The following TDRD5 variants were observed in gnomAD, a reference collection of about 807,000 sequenced individuals.
The protein encoded by TDRD5 is tudor domain-containing protein 5.
A neutral mutation model predicts 120.6 loss-of-function variants in TDRD5; 41 were observed. That is an observed-to-expected ratio of 0.34 (90% CI 0.26 to 0.44). The LOEUF (loss-of-function observed/expected upper bound fraction) is 0.44. Ranked by LOEUF, TDRD5 falls within the 20% of genes least tolerant of loss-of-function variation. The probability of loss-of-function intolerance (pLI) is 1.00; values close to 1 mark genes in which losing one functional copy is unlikely to be tolerated. For missense variants in TDRD5, 1,006 were observed against 1,221.2 expected (o/e 0.82, Z 2.63); for synonymous variants, 430 against 433.7 (o/e 0.99, Z 0.11).
intron 4 of TDRD5, among the ~76,000 whole-genome samples, chr1:179,614,664 C>T (rs1021392486): frequency 2.0e-5 from 3 of 152,020 alleles, no homozygotes; most frequent in African/African-American, 7.2e-5. Context: ...AATGGAGTTT[C>T]CTTCAGAGAT....
At chr1:179,625,411 A>G (rs1677069569) in intron 6 of TDRD5, among the ~76,000 whole-genome samples, 1 of 152,214 alleles carries the variant, frequency 6.6e-6, no homozygotes. Context: ...ATTTACAATC[A>G]TACATCTAAC....
intron 11 of TDRD5, among the ~76,000 whole-genome samples, chr1:179,648,560 A>G (rs1018315470): frequency 2.0e-5 from 3 of 149,922 alleles, no homozygotes; most frequent in Admixed American, 6.7e-5. Context: ...TAACCTGCAC[A>G]TTGTGCACAT....
intron 9 of TDRD5, among the ~76,000 whole-genome samples, chr1:179,638,585 A>T (rs1307569577): frequency 7.8e-6 from 1 of 127,912 alleles, no homozygotes; most frequent in Non-Finnish European, 1.7e-5. Flanking sequence ...TTCTGATATG[A>T]TAGTTCCGTG....
chr1:179,645,979 G>A (rs1678341832), intron 11 of TDRD5, among the ~76,000 whole-genome samples: 3 of 151,856 alleles, frequency 2.0e-5, no homozygotes, highest in Admixed American at 2.0e-4. Flanking sequence ...TGTCTTTTAT[G>A]AACTATATAG....
intron 17 of TDRD5, among the ~76,000 whole-genome samples, chr1:179,675,231 T>C (rs1680061963): frequency 6.6e-6 from 1 of 150,668 alleles, no homozygotes; most frequent in Non-Finnish European, 1.5e-5. Context: ...TTTTGATAGA[T>C]TGTATCATTC....
intron 12 of TDRD5, among the ~76,000 whole-genome samples, chr1:179,651,689 G>A (rs1220187942): frequency 6.6e-6 from 1 of 152,170 alleles, no homozygotes; most frequent in East Asian, 1.9e-4. Flanking sequence ...CAAGGTGGGT[G>A]GATCACGAGG....
intron 4 of TDRD5, among the ~76,000 whole-genome samples, chr1:179,618,320 A>G (rs1301347541): frequency 6.6e-6 from 1 of 152,186 alleles, no homozygotes; most frequent in Non-Finnish European, 1.5e-5. Flanking sequence ...CTTTCTGGGT[A>G]AGAGTATGGG....
intron 11 of TDRD5, 131 bp downstream of exon 11, chr1:179,640,576 A>G (rs2102027477): frequency 1.1e-6 from 1 of 943,672 alleles, no homozygotes; most frequent in Non-Finnish European, 1.6e-6. Flanking sequence ...TGTATAGAGT[A>G]TGGAAAATAG....
At chr1:179,628,142 G>A (rs1195800005) in intron 6 of TDRD5, among the ~76,000 whole-genome samples, 3 of 152,028 alleles carry the variant, frequency 2.0e-5, no homozygotes, top group Admixed American at 6.6e-5. Flanking sequence ...TAAAGTGTTT[G>A]TACTGCAAGA....
At chr1:179,628,648 A>G (rs1677271278) in intron 6 of TDRD5, among the ~76,000 whole-genome samples, 2 of 152,062 alleles carry the variant, frequency 1.3e-5, no homozygotes, top group Admixed American at 6.6e-5. Flanking sequence ...CCAATAAAGC[A>G]GAAAGCATAA....
intron 17 of TDRD5, among the ~76,000 whole-genome samples, chr1:179,671,722 T>C (rs1679863946): frequency 6.6e-6 from 1 of 152,126 alleles, no homozygotes; most frequent in Non-Finnish European, 1.5e-5. Flanking sequence ...ATGTGTAGTT[T>C]TTTATCCCTC....
At chr1:179,668,811 C>T (rs1679696927) in intron 16 of TDRD5, among the ~76,000 whole-genome samples, 3 of 145,814 alleles carry the variant, frequency 2.1e-5, no homozygotes, top group Admixed American at 7.2e-5. Flanking sequence ...GGCGCAACCT[C>T]GGCTCACTGC....
chr1:179,674,925 C>G (rs183583047), intron 17 of TDRD5, among the ~76,000 whole-genome samples: 1 of 152,236 alleles, frequency 6.6e-6, no homozygotes, highest in Admixed American at 6.5e-5. Flanking sequence ...TTTGGATCCT[C>G]TCTCTTCTTT....
intron 11 of TDRD5, 73 bp from the exon 12 acceptor site, chr1:179,650,790 AATTC>A: frequency 7.0e-7 from 1 of 1,431,324 alleles, no homozygotes; most frequent in Admixed American, 1.7e-5. Context: ...AGTTCATCAG[AATTC>A]ATTGTTGTAT....
chr1:179,617,194 C>G (rs1354160471), intron 4 of TDRD5, among the ~76,000 whole-genome samples: 1 of 152,142 alleles, frequency 6.6e-6, no homozygotes, highest in Non-Finnish European at 1.5e-5. Flanking sequence ...GGAAAACCCT[C>G]ATAAACTTGA....
intron 14 of TDRD5, among the ~76,000 whole-genome samples, chr1:179,661,762 T>G (rs572693944): frequency 6.6e-6 from 1 of 152,224 alleles, no homozygotes; most frequent in African/African-American, 2.4e-5. Context: ...AATTTCTGAG[T>G]TTTTGAGGTA....
Position 179,595,800 on chromosome 1 carries a change from C to T in TDRD5, c.813C>T (p.His271=), listed in dbSNP as rs1013082776. The T allele has an allele frequency of 6.2e-7, 1 of 1,604,456 alleles. No individual in the cohort carries two copies. The highest frequency in any genetic ancestry group is 8.5e-7 in the Non-Finnish European group (1 of 1,176,862). ...LNVVETSRLN[H]TEKLNQLENT... ...TAGTGGAGACTTCAAGACTGAATCA[C>T]ACTGAAAAATTAAACCAGGTGAGAG... Residue 271 remains histidine (H), a synonymous_variant, in exon 4 of 18, where the codon CAC becomes CAT. Coordinates refer to ENST00000444136, the MANE Select transcript of TDRD5 (RefSeq NM_001199085.3).
chr1:179,603,093 C>T (rs1675801800), intron 4 of TDRD5, among the ~76,000 whole-genome samples: 1 of 151,958 alleles, frequency 6.6e-6, no homozygotes, highest in Non-Finnish European at 1.5e-5. Flanking sequence ...GGTCTTTTGC[C>T]TCCTCGGTTA....
chr1:179,680,621 T>C (rs1558427906), intron 17 of TDRD5, among the ~76,000 whole-genome samples: 1 of 152,244 alleles, frequency 6.6e-6, no homozygotes, highest in Non-Finnish European at 1.5e-5. Context: ...TTGCAGGGCA[T>C]ATTATTGCCA....
Sources: allele counts gnomAD v4.1 joint callset (sites outside exome capture counted in the v4.1 genomes callset), GRCh38; gene constraint gnomAD v4.1.1; transcripts MANE v1.5; gene names NCBI Gene and HGNC (gene_info 2026-07-23, HGNC 2026-07-21).